Variants in SHQ1 observed in about 807,000 individuals in gnomAD.
SHQ1 encodes the protein SHQ1, H/ACA ribonucleoprotein assembly factor.
In SHQ1, 49 loss-of-function variants were observed where a neutral mutation model predicts 53.8. The ratio of observed to expected loss-of-function variants is 0.91; its 90% CI spans 0.72 to 1.16. The LOEUF (loss-of-function observed/expected upper bound fraction) is 1.16, where lower values mean the gene tolerates loss of function less well. Ranked by LOEUF, SHQ1 falls within the 50% of genes most tolerant of loss-of-function variation. The pLI is 0.00. For missense variants in SHQ1, 738 were observed against 683.1 expected (o/e 1.08, Z -0.90); for synonymous variants, 243 against 251.0 (o/e 0.97, Z 0.30).
the SHQ1 span, among the ~76,000 whole-genome samples, chr3:72,739,306 C>A: frequency 6.6e-6 from 1 of 152,194 alleles, no homozygotes; most frequent in African/African-American, 2.4e-5. Flanking sequence ...GACAATCCCC[C>A]TCCTCATCTT....
Position 72,776,967 on chromosome 3 carries a change from C to T in SHQ1, c.1181+15949G>A, listed in dbSNP as rs77963156. Among the ~76,000 whole-genome samples, 38 of 152,146 alleles carry T rather than the reference C, an allele frequency of 2.5e-4. 1 individual carries two copies. The East Asian group carries it at 7.1e-3, about 29-fold the overall frequency. The stretch of plus-strand genomic sequence containing the variant: ...GCAGGATGTATGAGGAAAGGATAGA[C>T]TATTTAATAAATGAAGCCAGGATAT... On this transcript the variant is annotated intron_variant, in intron 10 of 10. Coordinates refer to ENST00000325599, the MANE Select transcript of SHQ1 (RefSeq NM_018130.3).
the SHQ1 span, among the ~76,000 whole-genome samples, chr3:72,729,930 T>A: frequency 6.6e-6 from 1 of 152,136 alleles, no homozygotes; most frequent in East Asian, 1.9e-4. Context: ...GCCATTCTCC[T>A]GCCTCGGCCT....
At chr3:72,743,479 A>G in the SHQ1 span, among the ~76,000 whole-genome samples, 1 of 152,230 alleles carries the variant, frequency 6.6e-6, no homozygotes, top group Admixed American at 6.5e-5. Flanking sequence ...AGGACCCCAG[A>G]CCCGGAAGAA....
rs1466325897 is a variant in SHQ1, at chr3:72,799,483, T to A, written c.1061-6447A>T. 3.9e-5 allele frequency among the ~76,000 whole-genome samples: 6 copies of A among 152,270 alleles called. No homozygotes were observed. In the East Asian group the frequency reaches 1.2e-3, roughly 29 times the overall value. Reference sequence around the variant, plus strand: ...CTAAATTAAGAGAACCAAAGTGGGGTAATTTGCTTTAATACCAGGCCCTAT... The same window carrying A: ...CTAAATTAAGAGAACCAAAGTGGGGAAATTTGCTTTAATACCAGGCCCTAT... On this transcript the variant is annotated intron_variant, in intron 9 of 10. Coordinates refer to ENST00000325599, the MANE Select transcript of SHQ1 (RefSeq NM_018130.3).
chr3:72,803,597 A>G (rs1196715497), intron 9 of SHQ1, among the ~76,000 whole-genome samples: 1 of 152,182 alleles, frequency 6.6e-6, no homozygotes, highest in East Asian at 1.9e-4. Flanking sequence ...TCCAACCTCC[A>G]TGTACATACC....
chr3:72,841,331 T>C lies in SHQ1; in HGVS notation c.332-132A>G, dbSNP rs116289672. On this transcript the variant is annotated intron_variant, in intron 3 of 10. Transcript: ENST00000325599. ...ACCAAATGTACTAAAAGAATATTCA[T>C]AGCTCCGCTATTCGTGACAGCAAAA... 2,138 of 619,760 alleles carry C rather than the reference T, an allele frequency of 3.4e-3. 37 individuals carry two copies. The highest frequency in any genetic ancestry group is 0.032 in the African/African-American group (1,688 of 52,452). The allele number at this position is 619,760 out of a possible 1,614,324, so 38.4% of individuals were successfully genotyped here. A position where few individuals can be genotyped will look rare whatever the true frequency, so the allele number is the denominator to read the frequency against.
At chr3:72,796,843 A>G (rs755215797) in intron 9 of SHQ1, among the ~76,000 whole-genome samples, 26 of 152,040 alleles carry the variant, frequency 1.7e-4, no homozygotes, top group Admixed American at 5.2e-4. Flanking sequence ...ATGTCAAATA[A>G]CAAAAAATAA....
At chr3:72,807,854 T>G (rs1305398709) in intron 9 of SHQ1, among the ~76,000 whole-genome samples, 1 of 152,230 alleles carries the variant, frequency 6.6e-6, no homozygotes, top group Admixed American at 6.5e-5. Flanking sequence ...ATTTGTTTAT[T>G]GAGCCCAATT....
intron 10 of SHQ1, among the ~76,000 whole-genome samples, chr3:72,752,759 C>G (rs1430038379): frequency 7.9e-5 from 12 of 152,122 alleles, no homozygotes; most frequent in Admixed American, 7.9e-4. Context: ...CATCTCCTGA[C>G]CTCGTGATCT....
intron 10 of SHQ1, among the ~76,000 whole-genome samples, chr3:72,758,535 A>AT (rs1268127138): frequency 1.4e-5 from 2 of 143,478 alleles, no homozygotes; most frequent in Non-Finnish European, 3.1e-5. Flanking sequence ...ATATAAATTT[A>AT]TTTTTCACAG....
intron 10 of SHQ1, among the ~76,000 whole-genome samples, chr3:72,773,873 C>A (rs1026178522): frequency 2.6e-5 from 4 of 152,202 alleles, no homozygotes; most frequent in Non-Finnish European, 4.4e-5. Flanking sequence ...ATTACTGATT[C>A]ATCACAGCTT....
intron 10 of SHQ1, among the ~76,000 whole-genome samples, chr3:72,783,292 C>T (rs1706126750): frequency 6.6e-6 from 1 of 152,092 alleles, no homozygotes; most frequent in African/African-American, 2.4e-5. Context: ...CACATCTTCT[C>T]CTCTAACCTC....
chr3:72,739,907 G>T, the SHQ1 span, among the ~76,000 whole-genome samples: 1 of 152,190 alleles, frequency 6.6e-6, no homozygotes, highest in East Asian at 1.9e-4. Context: ...CCCAGCTCCA[G>T]CACCTTGCTA....
At chr3:72,753,132 A>G in intron 10 of SHQ1, 1 of 985,428 alleles carries the variant, frequency 1.0e-6, no homozygotes, top group Non-Finnish European at 1.2e-6. Flanking sequence ...CTTAAGGGGA[A>G]ATCTGATGTG....
rs571602038 is a variant in SHQ1, at chr3:72,753,169, G to C, written c.1182-2333C>G. The C allele has an allele frequency of 2.8e-5, 28 of 985,412 alleles. No homozygotes were observed. The African/African-American group carries it at 3.8e-4, about 14-fold the overall frequency. 61.0% of individuals were successfully genotyped at this position (985,412 alleles called of 1,614,324 possible). Reference sequence around the variant, plus strand: ...CAACTGAAGAAAGGTGACAGTGAGTGAAAGTGGTAAACATGCTGACATGGT... The same window carrying C: ...CAACTGAAGAAAGGTGACAGTGAGTCAAAGTGGTAAACATGCTGACATGGT... On this transcript the variant is annotated intron_variant, in intron 10 of 10. Transcript: ENST00000325599.
chr3:72,844,989 C>T (rs754953808), intron 1 of SHQ1, among the ~76,000 whole-genome samples: 65 of 151,884 alleles, frequency 4.3e-4, no homozygotes, highest in Non-Finnish European at 5.3e-4. Flanking sequence ...AAAAATATTC[C>T]AAAACTCTAG....
chr3:72,739,857 G>A, the SHQ1 span, among the ~76,000 whole-genome samples: 3 of 152,240 alleles, frequency 2.0e-5, no homozygotes, highest in Non-Finnish European at 4.4e-5. Flanking sequence ...AGCTTAAGAA[G>A]GTGTGGAGAG....
chr3:72,829,462 C>T (rs970029672), intron 5 of SHQ1, among the ~76,000 whole-genome samples: 1 of 152,220 alleles, frequency 6.6e-6, no homozygotes, highest in African/African-American at 2.4e-5. Flanking sequence ...ATCTATGACA[C>T]TGCTTAGCAT....
chr3:72,788,574 A>T (rs1279696596), intron 10 of SHQ1, among the ~76,000 whole-genome samples: 1 of 152,188 alleles, frequency 6.6e-6, no homozygotes, highest in Non-Finnish European at 1.5e-5. Context: ...CCCGTCTGGG[A>T]GGTGTACCCA....
Sources: allele counts gnomAD v4.1 joint callset (sites outside exome capture counted in the v4.1 genomes callset), GRCh38; gene constraint gnomAD v4.1.1; transcripts MANE v1.5; gene names NCBI Gene and HGNC (gene_info 2026-07-23, HGNC 2026-07-21).